The following ABITRAM variants were observed in gnomAD, a reference collection of about 807,000 sequenced individuals.
ABITRAM encodes the protein actin binding transcription modulator.
Under a neutral mutation model 22.9 loss-of-function variants are expected in ABITRAM, and 19 were observed. The observed-to-expected ratio is 0.83, with a 90% CI of 0.58 to 1.22. The LOEUF is 1.22. Among genes scored for constraint, ABITRAM ranks in the 50% most tolerant of loss-of-function variants. The pLI is 0.00. For missense variants in ABITRAM, 215 were observed against 220.2 expected (o/e 0.98, Z 0.15); for synonymous variants, 70 against 73.9 (o/e 0.95, Z 0.27).
chr9:108,945,951 T>C (rs1830392281), downstream of ABITRAM, among the ~76,000 whole-genome samples: 4 of 152,030 alleles, frequency 2.6e-5, no homozygotes, highest in South Asian at 8.3e-4. Flanking sequence ...GTTCCCTGTC[T>C]CAGAAAATGG....
chr9:108,949,417 T>A (rs867737347), intron 3 of ABITRAM, among the ~76,000 whole-genome samples: 4 of 152,156 alleles, frequency 2.6e-5, no homozygotes, highest in Non-Finnish European at 5.9e-5. Context: ...AATCTTTTTT[T>A]AAAAAGTTGG....
chr9:108,948,225 C>T (rs751710757), intron 3 of ABITRAM: 3 of 1,611,344 alleles, frequency 1.9e-6, no homozygotes, highest in Non-Finnish European at 1.7e-6. Context: ...TTTTCAGTGG[C>T]CCCTCTCCTC....
rs72607156 is a variant in ABITRAM at position 108,938,694 on chromosome 9, G to A, written c.262-502G>A. Among the ~76,000 whole-genome samples the A allele has an allele frequency of 1.8e-3, 263 of 145,304 alleles. 6 individuals carry two copies. The highest frequency in any genetic ancestry group is 3.6e-3 in the South Asian group (15 of 4,190). ...TAACACACTGGGGAATTACAAAGGGGGGGGGGGGAAAGAACAATATCCCTT... is the reference window on the plus strand; with the variant it reads ...TAACACACTGGGGAATTACAAAGGGAGGGGGGGGAAAGAACAATATCCCTT... On this transcript the variant is annotated intron_variant, in intron 3 of 5. Coordinates refer to ENST00000322940, the MANE Select transcript of ABITRAM (RefSeq NM_017832.4).
Position 108,939,701 on chromosome 9 carries a change from C to CTTT in ABITRAM, c.*15_*16insTTT. 4 of 1,610,280 alleles carry CTTT rather than the reference C, an allele frequency of 2.5e-6. No homozygotes were observed. Among genetic ancestry groups the CTTT allele is most frequent in the Non-Finnish European group, 3.4e-6 (4 of 1,178,602 alleles). Reference sequence around the variant, plus strand: ...CTACGTCATGAGGATTGACATGGAACAAAAAGCAAAGTGGGATTCTTGTTA... The same window carrying CTTT: ...CTACGTCATGAGGATTGACATGGAACTTTAAAAAGCAAAGTGGGATTCTTGTTA... On this transcript the variant is annotated 3_prime_UTR_variant, in exon 6 of 6. Coordinates refer to ENST00000322940, the MANE Select transcript of ABITRAM (RefSeq NM_017832.4).
Position 108,939,446 on chromosome 9 carries a change from CA to C in ABITRAM, c.402del (p.Glu135LysfsTer22). On this transcript the variant is annotated frameshift_variant, in exon 5 of 6. Coordinates refer to ENST00000322940, the MANE Select transcript of ABITRAM (RefSeq NM_017832.4). LOFTEE classifies it high-confidence loss of function. ...ENILHKPSIL[Q>X]EKPSTEGYIA... ...CATCCTCCATAAGCCATCTATTCTT[CA>C]AGAAAAGGTAAAAGAGAGAGAAAAA... 1 of 1,609,574 alleles carries C rather than the reference CA, an allele frequency of 6.2e-7. No homozygotes were observed. Among genetic ancestry groups the C allele is most frequent in the African/African-American group, 1.3e-5 (1 of 74,542 alleles).
At chr9:108,941,513 A>G (rs191039369), downstream of ABITRAM, among the ~76,000 whole-genome samples, 25 of 152,304 alleles carry the variant, frequency 1.6e-4, no homozygotes, top group Admixed American at 6.5e-5. Flanking sequence ...TGACTGTTTA[A>G]GGAAAGATTT....
chr9:108,942,793 C>T, downstream of ABITRAM: 2 of 1,612,822 alleles, frequency 1.2e-6, no homozygotes, highest in Non-Finnish European at 1.7e-6. Flanking sequence ...CCATAGTGTC[C>T]TTATTTGTAA....
chr9:108,941,711 A>G (rs1360228086), downstream of ABITRAM, among the ~76,000 whole-genome samples: 1 of 152,198 alleles, frequency 6.6e-6, no homozygotes, highest in Non-Finnish European at 1.5e-5. Flanking sequence ...TATATTATCT[A>G]CTGCCATTTG....
Position 108,939,631 on chromosome 9 carries a change from A to C in ABITRAM, c.491A>C (p.Lys164Thr), listed in dbSNP as rs1564115928. ...ATAACAGAAGGGTTACTGACACAAA[A>C]ACAATATGAAGAAGTCATGGTGAAA... ...KSITEGLLTQ[K>T]QYEEVMVKRI... Residue 164 changes from lysine (K) to threonine (T), a missense_variant, in exon 6 of 6, where the codon AAA becomes ACA. Transcript: ENST00000322940. The C allele has an allele frequency of 1.2e-6, 2 of 1,614,160 alleles. No individual in the cohort carries two copies. Among genetic ancestry groups the C allele is most frequent in the South Asian group, 1.1e-5 (1 of 91,080 alleles).
intron 1 of ABITRAM, 71 bp from the exon 2 acceptor site, chr9:108,935,567 C>A: frequency 8.3e-7 from 1 of 1,210,980 alleles, no homozygotes; most frequent in Non-Finnish European, 1.2e-6. Context: ...AACTATATGA[C>A]CCAAAGAAAG....
chr9:108,946,888 G>A (rs568462376), intron 3 of ABITRAM, among the ~76,000 whole-genome samples: 15 of 151,922 alleles, frequency 9.9e-5, no homozygotes, highest in South Asian at 4.2e-4. Flanking sequence ...CCTACAGGGC[G>A]GTATGACAGA....
At chr9:108,943,958 T>C, downstream of ABITRAM, 1 of 1,613,166 alleles carries the variant, frequency 6.2e-7, no homozygotes, top group South Asian at 1.1e-5. Flanking sequence ...TAGACATGTG[T>C]TACCTGTTTT....
At chr9:108,950,403 A>G in intron 3 of ABITRAM, 1 of 1,227,054 alleles carries the variant, frequency 8.1e-7, no homozygotes, top group Middle Eastern at 2.8e-4. Context: ...GAAACCACCA[A>G]AGGAATGGTC....
downstream of ABITRAM, among the ~76,000 whole-genome samples, chr9:108,945,210 A>G: frequency 6.6e-6 from 1 of 152,208 alleles, no homozygotes; most frequent in South Asian, 2.1e-4. Flanking sequence ...ATTGGTTCCC[A>G]GACCTCCCCA....
downstream of ABITRAM, chr9:108,944,152 A>G (rs28361180): frequency 0.022 from 18,399 of 843,356 alleles, 284 homozygotes; most frequent in South Asian, 0.041. Flanking sequence ...AGGAACTCCT[A>G]AACTTTTTCC....
intron 3 of ABITRAM, among the ~76,000 whole-genome samples, chr9:108,949,528 C>T (rs1564120996): frequency 6.6e-6 from 1 of 152,094 alleles, no homozygotes; most frequent in South Asian, 2.1e-4. Flanking sequence ...GCTAACACAG[C>T]GAAACGCTAT....
intron 1 of ABITRAM, 53 bp from the exon 2 acceptor site, chr9:108,935,585 T>G: frequency 7.4e-7 from 1 of 1,342,380 alleles, no homozygotes; most frequent in Non-Finnish European, 1.1e-6. Flanking sequence ...AAGTACCACA[T>G]AGTGGTAGTA....
chr9:108,946,865 G>A (rs890864735), intron 3 of ABITRAM, among the ~76,000 whole-genome samples: 1 of 151,954 alleles, frequency 6.6e-6, no homozygotes, highest in South Asian at 2.1e-4. Flanking sequence ...TGGATCTTTT[G>A]TAGTAAAACA....
At position 108,934,502 on chromosome 9, in the gene ABITRAM, G is replaced by A; in HGVS notation, c.16G>A (p.Glu6Lys). MATEP[E>K]AAEPVVPSLV... ...GGAGGTCGCCATGGCTACCGAGCCC[G>A]AAGCCGCGGAGCCGGTGGTGCCTTC... Residue 6 changes from glutamate to lysine, a missense_variant, in exon 1 of 6, where the codon GAA becomes AAA. Transcript: ENST00000322940. 2 of 1,604,910 alleles carry A rather than the reference G, an allele frequency of 1.2e-6. No homozygotes were observed. The highest frequency in any genetic ancestry group is 8.5e-7 in the Non-Finnish European group (1 of 1,176,892).
Sources: allele counts gnomAD v4.1 joint callset (sites outside exome capture counted in the v4.1 genomes callset), GRCh38; gene constraint gnomAD v4.1.1; transcripts MANE v1.5; gene names NCBI Gene and HGNC (gene_info 2026-07-23, HGNC 2026-07-21).